FHIT: variants seen among roughly 807,000 people sequenced by gnomAD.
The protein encoded by FHIT is bis(5'-adenosyl)-triphosphatase.
In FHIT, 19 loss-of-function variants were observed where a neutral mutation model predicts 17.9. The ratio of observed to expected loss-of-function variants is 1.06; its 90% confidence interval spans 0.74 to 1.56. The LOEUF is 1.56. Among genes scored for constraint, FHIT ranks in the 40% most tolerant of loss-of-function variants. FHIT has a pLI of 0.00. For synonymous variants in FHIT, 81 were observed against 69.7 expected (o/e 1.16, Z -0.81); for missense variants, 248 against 189.2 (o/e 1.31, Z -1.82).
chr3:61,111,472 A>G (rs1308683236), intron 2 of FHIT, among the ~76,000 whole-genome samples: 2 of 152,184 alleles, frequency 1.3e-5, no homozygotes, highest in Admixed American at 6.6e-5. Flanking sequence ...GAGGACATCT[A>G]TTTGGTTTCC....
intron 5 of FHIT, among the ~76,000 whole-genome samples, chr3:60,449,286 G>A (rs762746853): frequency 2.0e-5 from 3 of 152,106 alleles, no homozygotes; most frequent in African/African-American, 4.8e-5. Flanking sequence ...CTTTTGTGCC[G>A]AAAAGCTATG....
At chr3:60,968,655 C>T (rs1281182034) in intron 3 of FHIT, among the ~76,000 whole-genome samples, 1 of 152,182 alleles carries the variant, frequency 6.6e-6, no homozygotes, top group Non-Finnish European at 1.5e-5. Context: ...TCATGATCCA[C>T]CCGCCTTGGC....
At chr3:61,206,189 G>C (rs1364609340) in intron 1 of FHIT, among the ~76,000 whole-genome samples, 41 of 134,678 alleles carry the variant, frequency 3.0e-4, no homozygotes, top group South Asian at 1.0e-3. Context: ...CTCTGTTTTG[G>C]TACCAGTACC....
chr3:60,332,156 C>T (rs1012904556), intron 5 of FHIT, among the ~76,000 whole-genome samples: 2 of 152,182 alleles, frequency 1.3e-5, no homozygotes, highest in African/African-American at 4.8e-5. Flanking sequence ...ACAGCTACCC[C>T]AGAAGCAATG....
intron 3 of FHIT, among the ~76,000 whole-genome samples, chr3:60,914,962 T>G (rs1706927033): frequency 1.3e-5 from 2 of 152,228 alleles, no homozygotes; most frequent in Admixed American, 1.3e-4. Flanking sequence ...AGGTGCTGCT[T>G]AGAAGAAACG....
At chr3:60,551,336 AT>A (rs1308866176) in intron 4 of FHIT, among the ~76,000 whole-genome samples, 1 of 148,390 alleles carries the variant, frequency 6.7e-6, no homozygotes, top group Non-Finnish European at 1.5e-5. Context: ...TACATTAAAA[AT>A]CATCTCAGGA....
intron 5 of FHIT, among the ~76,000 whole-genome samples, chr3:60,115,535 G>A (rs1474443120): frequency 6.6e-6 from 1 of 152,124 alleles, no homozygotes; most frequent in Non-Finnish European, 1.5e-5. Context: ...GTCACTATAA[G>A]GGAAAATTGG....
intron 5 of FHIT, among the ~76,000 whole-genome samples, chr3:60,290,775 G>A (rs1576429186): frequency 6.6e-6 from 1 of 151,994 alleles, no homozygotes; most frequent in East Asian, 1.9e-4. Flanking sequence ...CATTTCCCTA[G>A]AGATAAAATG....
intron 1 of FHIT, among the ~76,000 whole-genome samples, chr3:61,205,543 G>A (rs1338798398): frequency 6.6e-6 from 1 of 152,124 alleles, no homozygotes; most frequent in Non-Finnish European, 1.5e-5. Flanking sequence ...ATCTCATTGT[G>A]GTTTTGATTT....
chr3:59,760,353 T>C (rs892786878), intron 8 of FHIT, among the ~76,000 whole-genome samples: 1 of 152,156 alleles, frequency 6.6e-6, no homozygotes, highest in African/African-American at 2.4e-5. Context: ...CAGACCCCAA[T>C]TGCTTATCCA....
At chr3:60,408,774 G>T (rs1219183510) in intron 5 of FHIT, among the ~76,000 whole-genome samples, 1 of 152,104 alleles carries the variant, frequency 6.6e-6, no homozygotes. Flanking sequence ...CTTTAATATT[G>T]ATTAAGTTCT....
intron 8 of FHIT, among the ~76,000 whole-genome samples, chr3:59,761,375 C>T (rs1054898671): frequency 3.3e-5 from 5 of 152,064 alleles, no homozygotes; most frequent in African/African-American, 1.2e-4. Context: ...TATAGGAATC[C>T]CCCTTCTTCA....
intron 7 of FHIT, among the ~76,000 whole-genome samples, chr3:60,009,752 T>C (rs970728380): frequency 2.6e-5 from 4 of 152,220 alleles, no homozygotes; most frequent in African/African-American, 9.6e-5. Flanking sequence ...AACGTTTTCA[T>C]TACCCTAAAA....
intron 5 of FHIT, among the ~76,000 whole-genome samples, chr3:60,522,021 C>CT (rs1369284270): frequency 6.6e-6 from 1 of 151,750 alleles, no homozygotes; most frequent in East Asian, 1.9e-4. Flanking sequence ...ACCAGGGACC[C>CT]TGTGTAGGTC....
chr3:60,843,610 G>T (rs577968374), intron 3 of FHIT, among the ~76,000 whole-genome samples: 2 of 152,312 alleles, frequency 1.3e-5, no homozygotes, highest in East Asian at 3.9e-4. Flanking sequence ...AAGGCTAACA[G>T]CAGGGACACC....
chr3:59,870,214 GCT>G (rs1702856567), intron 8 of FHIT, among the ~76,000 whole-genome samples: 1 of 152,038 alleles, frequency 6.6e-6, no homozygotes, highest in Non-Finnish European at 1.5e-5. Context: ...TCTCTCCAAG[GCT>G]CTGTGATAAA....
intron 1 of FHIT, among the ~76,000 whole-genome samples, chr3:61,218,450 G>A (rs2039745391): frequency 6.6e-6 from 1 of 152,192 alleles, no homozygotes; most frequent in South Asian, 2.1e-4. Flanking sequence ...ATTAAACAAA[G>A]ACAATGAGTA....
chr3:60,557,579 G>T (rs2036784777), intron 4 of FHIT, among the ~76,000 whole-genome samples: 1 of 151,682 alleles, frequency 6.6e-6, no homozygotes, highest in Admixed American at 6.6e-5. Context: ...GGTGTACCCA[G>T]GCTCTCCTTA....
chr3:60,261,911 C>A (rs568541374), intron 5 of FHIT, among the ~76,000 whole-genome samples: 1 of 152,168 alleles, frequency 6.6e-6, no homozygotes, highest in South Asian at 2.1e-4. Context: ...ACAGAAGAAT[C>A]TGAACAAACA....
Sources: allele counts gnomAD v4.1 joint callset (sites outside exome capture counted in the v4.1 genomes callset), GRCh38; gene constraint gnomAD v4.1.1; transcripts MANE v1.5; gene names NCBI Gene and HGNC (gene_info 2026-07-23, HGNC 2026-07-21).